The following SNX29 variants were observed in gnomAD, a reference collection of about 807,000 sequenced individuals.
SNX29 encodes the protein sorting nexin 29, also known as sorting nexin-29.
SNX29 carries 78 observed loss-of-function variants against 102.1 expected under a neutral mutation model. The observed-to-expected ratio is 0.76, with a 90% confidence interval of 0.64 to 0.92. The LOEUF (loss-of-function observed/expected upper bound fraction) is 0.92. Ranked by LOEUF, SNX29 falls within the 40% of genes least tolerant of loss-of-function variation. SNX29 has a pLI of 0.00. For synonymous variants in SNX29, 580 were observed against 414.5 expected (o/e 1.40, Z -4.85); for missense variants, 1,280 against 1,061.7 (o/e 1.21, Z -2.86).
chr16:12,058,555 G>A (rs1031662158), intron 8 of SNX29, among the ~76,000 whole-genome samples: 2 of 144,304 alleles, frequency 1.4e-5, no homozygotes, highest in African/African-American at 2.6e-5. Context: ...GTGCAGTGGC[G>A]GGATCTCAGC....
intron 13 of SNX29, among the ~76,000 whole-genome samples, chr16:12,182,007 C>T (rs867683651): frequency 1.2e-4 from 18 of 151,698 alleles, no homozygotes; most frequent in Admixed American, 8.5e-4. Context: ...CCTCACTGTT[C>T]TAAGTAGCTA....
At chr16:12,156,080 A>C (rs1040899191) in intron 13 of SNX29, among the ~76,000 whole-genome samples, 6 of 152,146 alleles carry the variant, frequency 3.9e-5, no homozygotes, top group South Asian at 2.1e-4. Flanking sequence ...ACACCCCCCC[A>C]CATCTCCTTG....
At position 12,126,685 on chromosome 16, in the gene SNX29, G is replaced by A; in HGVS notation, c.1455G>A (p.Glu485=). The A allele has an allele frequency of 3.1e-6, 5 of 1,613,994 alleles. No homozygotes were observed. The highest frequency in any genetic ancestry group is 4.2e-6 in the Non-Finnish European group (5 of 1,179,872). ...VAMMNRKDEL[E]EENRSLRNLL... is the part of the protein sequence containing the mutation. ...TGATGAACAGGAAGGATGAGCTGGA[G>A]GAGGAGAACAGGTACCGTGATTTTC... Residue 485 remains glutamate, a synonymous_variant, in exon 12 of 21, where the codon GAG becomes GAA. Transcript: ENST00000566228.
chr16:12,525,243 G>T (rs556108674), intron 20 of SNX29, among the ~76,000 whole-genome samples: 5 of 151,266 alleles, frequency 3.3e-5, no homozygotes, highest in African/African-American at 1.2e-4. Flanking sequence ...ACTCCTACCA[G>T]TATTGACTTA....
At chr16:12,518,476 C>T (rs774788494) in intron 19 of SNX29, among the ~76,000 whole-genome samples, 1 of 152,200 alleles carries the variant, frequency 6.6e-6, no homozygotes, top group African/African-American at 2.4e-5. Context: ...CCTTGACCAC[C>T]TGATGGCCAC....
At chr16:12,438,971 C>A (rs150803479) in intron 18 of SNX29, among the ~76,000 whole-genome samples, 1 of 152,286 alleles carries the variant, frequency 6.6e-6, no homozygotes, top group East Asian at 1.9e-4. Context: ...AGGAAGGCAC[C>A]GGACAGGATT....
chr16:12,387,427 C>T (rs1215810663), intron 16 of SNX29, among the ~76,000 whole-genome samples: 1 of 151,930 alleles, frequency 6.6e-6, no homozygotes, highest in Non-Finnish European at 1.5e-5. Flanking sequence ...AAGTGGAGAA[C>T]AGGTTCCCAT....
intron 18 of SNX29, among the ~76,000 whole-genome samples, chr16:12,476,383 A>AATATATATATAT (rs1567603099): frequency 4.2e-4 from 4 of 9,494 alleles, no homozygotes; most frequent in Non-Finnish European, 6.5e-4. Flanking sequence ...AAAAAAAAAA[A>AATATATATATAT]ATATATATAT....
chr16:12,348,156 T>G (rs2081875963), intron 15 of SNX29, among the ~76,000 whole-genome samples: 1 of 152,008 alleles, frequency 6.6e-6, no homozygotes, highest in Non-Finnish European at 1.5e-5. Context: ...CAGCAGTGAG[T>G]AGACAGGACC....
At chr16:12,564,229 A>C (rs1598091718) in intron 20 of SNX29, among the ~76,000 whole-genome samples, 1 of 152,150 alleles carries the variant, frequency 6.6e-6, no homozygotes, top group South Asian at 2.1e-4. Context: ...CATCTCTAAG[A>C]GAAAAAAATC....
intron 14 of SNX29, among the ~76,000 whole-genome samples, chr16:12,263,393 G>T (rs1275204942): frequency 6.6e-6 from 1 of 152,176 alleles, no homozygotes; most frequent in African/African-American, 2.4e-5. Context: ...CTACAAAAGT[G>T]CTGGAATTAC....
At chr16:12,041,048 C>T (rs2049860474) in intron 4 of SNX29, among the ~76,000 whole-genome samples, 1 of 152,138 alleles carries the variant, frequency 6.6e-6, no homozygotes, top group African/African-American at 2.4e-5. Context: ...ACCTCGTGAT[C>T]TGCCTGCCTT....
chr16:12,241,334 A>G (rs891808935), intron 14 of SNX29, among the ~76,000 whole-genome samples: 2 of 152,188 alleles, frequency 1.3e-5, no homozygotes, highest in Admixed American at 6.5e-5. Context: ...GTTTTACGTT[A>G]AAAGGGGGTT....
At chr16:12,561,941 G>C (rs2141484159) in intron 20 of SNX29, among the ~76,000 whole-genome samples, 1 of 152,248 alleles carries the variant, frequency 6.6e-6, no homozygotes, top group Non-Finnish European at 1.5e-5. Flanking sequence ...CTTAGAGCCA[G>C]GTGCATCCCT....
At chr16:12,477,393 G>A (rs778130404) in intron 18 of SNX29, among the ~76,000 whole-genome samples, 2 of 152,198 alleles carry the variant, frequency 1.3e-5, no homozygotes, top group Non-Finnish European at 2.9e-5. Flanking sequence ...TCACCAGCAC[G>A]CTGTTAGTGC....
intron 4 of SNX29, among the ~76,000 whole-genome samples, chr16:12,036,633 G>A (rs954472410): frequency 3.6e-5 from 5 of 140,200 alleles, no homozygotes; most frequent in Admixed American, 1.4e-4. Flanking sequence ...CGCGCCCAGC[G>A]GGTTTTCTGT....
At chr16:12,149,334 T>TA (rs2055200497) in intron 13 of SNX29, among the ~76,000 whole-genome samples, 1 of 152,216 alleles carries the variant, frequency 6.6e-6, no homozygotes, top group Non-Finnish European at 1.5e-5. Context: ...GGCCTGAACT[T>TA]ACTCTGCTAG....
chr16:12,303,097 C>T (rs2080229365), intron 15 of SNX29, among the ~76,000 whole-genome samples: 1 of 152,228 alleles, frequency 6.6e-6, no homozygotes, highest in Non-Finnish European at 1.5e-5. Context: ...CTCAGAGAAT[C>T]TTCTTTTGCA....
At chr16:12,286,150 T>C (rs1247436959) in intron 15 of SNX29, among the ~76,000 whole-genome samples, 3 of 148,478 alleles carry the variant, frequency 2.0e-5, no homozygotes, top group African/African-American at 7.4e-5. Context: ...TCCTGTTTGT[T>C]TTTTTTTTTA....
Sources: gnomAD v4.1 joint callset for allele counts (sites outside exome capture counted in the v4.1 genomes callset) on GRCh38, gnomAD v4.1.1 for gene constraint, MANE v1.5 for transcripts, NCBI Gene and HGNC (gene_info 2026-07-23, HGNC 2026-07-21) for gene names.